FAM13A: variants seen among roughly 807,000 people sequenced by gnomAD.
FAM13A encodes family with sequence similarity 13 member A, also known as protein FAM13A.
In FAM13A, 76 loss-of-function variants were observed where a neutral mutation model predicts 129.6. The ratio of observed to expected loss-of-function variants is 0.59; its 90% CI spans 0.49 to 0.71. The LOEUF is 0.71. FAM13A is among the 30% of genes least tolerant of loss of function. The pLI, the probability that FAM13A is intolerant of heterozygous loss-of-function variation, is 0.00. For missense variants in FAM13A, 1,108 were observed against 1,249.3 expected (o/e 0.89, Z 1.70); for synonymous variants, 443 against 449.9 (o/e 0.98, Z 0.20).
At chr4:88,802,424 T>C (rs551717877) in intron 8 of FAM13A, among the ~76,000 whole-genome samples, 98 of 151,628 alleles carry the variant, frequency 6.5e-4, no homozygotes, top group African/African-American at 2.3e-3. Context: ...TGAGTTAAGT[T>C]GGAGAAGTTC....
At chr4:88,733,750 T>G (rs1424913156) in intron 21 of FAM13A, among the ~76,000 whole-genome samples, 1 of 152,200 alleles carries the variant, frequency 6.6e-6, no homozygotes, top group Non-Finnish European at 1.5e-5. Context: ...GTCTAGTAAT[T>G]CAGTTTGAAA....
chr4:88,829,744 G>A (rs964931996), intron 7 of FAM13A, among the ~76,000 whole-genome samples: 3 of 152,166 alleles, frequency 2.0e-5, no homozygotes, highest in African/African-American at 7.2e-5. Context: ...GAAACCAGAG[G>A]AGTGCGTGTA....
chr4:88,861,435 C>G (rs1739481708), intron 6 of FAM13A, among the ~76,000 whole-genome samples: 1 of 150,312 alleles, frequency 6.7e-6, no homozygotes. Flanking sequence ...ATCATTATTG[C>G]CTGGAATAGA....
At chr4:88,732,516 C>A (rs918237478) in intron 21 of FAM13A, 3 of 194,520 alleles carry the variant, frequency 1.5e-5, no homozygotes, top group Non-Finnish European at 3.1e-5. Flanking sequence ...TAACCTAAAT[C>A]AGATGAACTA....
intron 6 of FAM13A, among the ~76,000 whole-genome samples, chr4:88,869,847 G>T (rs980350716): frequency 6.6e-6 from 1 of 152,156 alleles, no homozygotes; most frequent in Admixed American, 6.5e-5. Flanking sequence ...AGACATGACT[G>T]CATGAAAAGA....
intron 8 of FAM13A, among the ~76,000 whole-genome samples, chr4:88,796,378 T>C (rs926734992): frequency 2.0e-5 from 3 of 152,016 alleles, no homozygotes; most frequent in Admixed American, 6.6e-5. Flanking sequence ...CTTTTAAAGA[T>C]AGCTGAATAA....
intron 1 of FAM13A, among the ~76,000 whole-genome samples, chr4:89,047,580 G>C (rs1463827301): frequency 1.3e-5 from 2 of 152,122 alleles, no homozygotes; most frequent in African/African-American, 2.4e-5. Flanking sequence ...TTCATGAATG[G>C]GAGATGAAGT....
intron 7 of FAM13A, among the ~76,000 whole-genome samples, chr4:88,847,755 A>G (rs973770790): frequency 2.0e-5 from 3 of 152,190 alleles, no homozygotes; most frequent in Non-Finnish European, 4.4e-5. Context: ...TAACACGGTG[A>G]AACCCCGTCT....
At chr4:88,738,054 C>G (rs959591530) in intron 20 of FAM13A, among the ~76,000 whole-genome samples, 1 of 152,178 alleles carries the variant, frequency 6.6e-6, no homozygotes, top group East Asian at 1.9e-4. Flanking sequence ...TTAGGACATT[C>G]CTCCAGAATA....
intron 7 of FAM13A, among the ~76,000 whole-genome samples, chr4:88,815,191 G>A (rs1248496685): frequency 6.6e-6 from 1 of 151,966 alleles, no homozygotes; most frequent in Admixed American, 6.6e-5. Context: ...ATGTTTTCCT[G>A]AGCTTGGTCT....
At chr4:88,733,670 G>T (rs1268865640) in intron 21 of FAM13A, among the ~76,000 whole-genome samples, 1 of 152,182 alleles carries the variant, frequency 6.6e-6, no homozygotes, top group Admixed American at 6.5e-5. Context: ...GGCAGGAATT[G>T]GGGCCTGTTT....
chr4:88,915,776 A>T (rs1234021852), intron 5 of FAM13A, among the ~76,000 whole-genome samples: 5 of 152,164 alleles, frequency 3.3e-5, no homozygotes, highest in Non-Finnish European at 7.3e-5. Flanking sequence ...ATTGGGTTTT[A>T]AGAGCTCTGC....
chr4:88,813,397 C>T (rs915676672), intron 7 of FAM13A, among the ~76,000 whole-genome samples: 62 of 152,050 alleles, frequency 4.1e-4, no homozygotes, highest in Admixed American at 7.9e-4. Context: ...AATACAGTAA[C>T]GTTCTTTGGG....
intron 6 of FAM13A, among the ~76,000 whole-genome samples, chr4:88,856,297 T>C (rs991760268): frequency 1.3e-5 from 2 of 151,616 alleles, no homozygotes; most frequent in African/African-American, 4.8e-5. Context: ...CTCAGTGACA[T>C]AATGAGACCC....
At chr4:89,049,338 TAAGTG>T (rs906008072) in intron 1 of FAM13A, among the ~76,000 whole-genome samples, 1 of 152,220 alleles carries the variant, frequency 6.6e-6, no homozygotes, top group Non-Finnish European at 1.5e-5. Flanking sequence ...GTTACAGTGT[TAAGTG>T]AAGACTCACT....
At chr4:88,810,578 A>T (rs1020799163) in intron 7 of FAM13A, among the ~76,000 whole-genome samples, 1 of 152,142 alleles carries the variant, frequency 6.6e-6, no homozygotes, top group Non-Finnish European at 1.5e-5. Context: ...TCAAATTCAG[A>T]TAGAAAAACA....
At chr4:88,734,177 T>TC (rs149320917) in intron 21 of FAM13A, among the ~76,000 whole-genome samples, 1,940 of 152,274 alleles carry the variant, frequency 0.013, 43 homozygotes, top group African/African-American at 0.042. Flanking sequence ...GAACCATTTT[T>TC]CCTTTTTTGA....
intron 19 of FAM13A, 113 bp downstream of exon 19, chr4:88,746,819 A>G: frequency 2.8e-6 from 2 of 720,590 alleles, no homozygotes; most frequent in Non-Finnish European, 4.9e-6. Context: ...CTTTATCCTA[A>G]AAGTAAAGCA....
intron 5 of FAM13A, among the ~76,000 whole-genome samples, chr4:88,923,993 C>G (rs1463257084): frequency 6.6e-6 from 1 of 152,144 alleles, no homozygotes; most frequent in Admixed American, 6.5e-5. Context: ...ATCCAACTTA[C>G]AAAGGACGTG....
Sources: allele counts gnomAD v4.1 joint callset (sites outside exome capture counted in the v4.1 genomes callset), GRCh38; gene constraint gnomAD v4.1.1; transcripts MANE v1.5; gene names NCBI Gene and HGNC (gene_info 2026-07-23, HGNC 2026-07-21).